Variants in SMYD3 observed in about 807,000 individuals in gnomAD.
The protein encoded by SMYD3 is SET and MYND domain containing 3.
A neutral mutation model predicts 57.7 loss-of-function variants in SMYD3; 36 were observed. That is an observed-to-expected ratio of 0.62 (90% confidence interval 0.48 to 0.82). The LOEUF (loss-of-function observed/expected upper bound fraction) is 0.82. Among genes scored for constraint, SMYD3 ranks in the 40% least tolerant of loss-of-function variants. The probability of loss-of-function intolerance (pLI) is 0.00; values close to 1 mark genes in which losing one functional copy is unlikely to be tolerated. For synonymous variants in SMYD3, 211 were observed against 195.0 expected, an observed-to-expected ratio of 1.08 and a Z score of -0.68; for missense variants, 515 against 538.8, an observed-to-expected ratio of 0.96 and a Z score of 0.44.
intron 1 of SMYD3, among the ~76,000 whole-genome samples, chr1:246,411,071 AG>A (rs1356532949): frequency 6.6e-6 from 1 of 151,756 alleles, no homozygotes; most frequent in Non-Finnish European, 1.5e-5. Context: ...CTTCTTTATT[AG>A]TCTTGCTAGC....
intron 5 of SMYD3, among the ~76,000 whole-genome samples, chr1:246,010,241 T>G (rs2059258654): frequency 6.6e-6 from 1 of 152,040 alleles, no homozygotes; most frequent in African/African-American, 2.4e-5. Context: ...TCGTATGCTC[T>G]GTCTATTGGG....
chr1:246,149,901 T>C (rs1268807268), intron 5 of SMYD3, among the ~76,000 whole-genome samples: 1 of 152,232 alleles, frequency 6.6e-6, no homozygotes, highest in East Asian at 1.9e-4. Flanking sequence ...GATTCCTCTG[T>C]CTGCCATTTA....
rs1363719536 is a variant in SMYD3 at position 246,076,692 on chromosome 1, ATTAAT to A, written c.532-146760_532-146756del. On this transcript the variant is annotated intron_variant, in intron 5 of 11. Coordinates refer to ENST00000490107, the MANE Select transcript of SMYD3 (RefSeq NM_001167740.2). ...GTCTGGTTTTGTTTTTTTTTTCTAG[ATTAAT>A]TCAATTCTCTTCCCTTTGGATGAGA... 2.6e-4 allele frequency among the ~76,000 whole-genome samples: 39 copies of A among 150,354 alleles called. 1 individual carries two copies. Among genetic ancestry groups the A allele is most frequent in the African/African-American group, 9.4e-4 (38 of 40,556 alleles).
At chr1:246,044,927 A>T (rs1217790931) in intron 5 of SMYD3, among the ~76,000 whole-genome samples, 1 of 152,188 alleles carries the variant, frequency 6.6e-6, no homozygotes, top group Non-Finnish European at 1.5e-5. Flanking sequence ...CTTACAAGGG[A>T]TGTGAAGGAC....
At chr1:245,892,010 GCGAA>G (rs2053416069) in intron 8 of SMYD3, among the ~76,000 whole-genome samples, 1 of 152,090 alleles carries the variant, frequency 6.6e-6, no homozygotes, top group Non-Finnish European at 1.5e-5. Flanking sequence ...TTCAGCCTGG[GCGAA>G]AGAGTGACGC....
At chr1:246,365,164 A>G (rs1174531886) in intron 1 of SMYD3, among the ~76,000 whole-genome samples, 6 of 152,160 alleles carry the variant, frequency 3.9e-5, no homozygotes, top group East Asian at 1.9e-4. Context: ...CCCATATACA[A>G]TAAGTTAAAG....
chr1:246,091,433 C>T (rs2060821483), intron 5 of SMYD3, among the ~76,000 whole-genome samples: 1 of 151,662 alleles, frequency 6.6e-6, no homozygotes, highest in Admixed American at 6.6e-5. Context: ...ACTCGGAAGA[C>T]CCCTCTCTAT....
intron 5 of SMYD3, among the ~76,000 whole-genome samples, chr1:246,049,557 G>A (rs1348710050): frequency 4.6e-5 from 7 of 151,304 alleles, no homozygotes; most frequent in East Asian, 1.9e-4. Context: ...CGCCCATCTC[G>A]GCCTCCCAAA....
intron 10 of SMYD3, among the ~76,000 whole-genome samples, chr1:245,853,754 C>A (rs1357845960): frequency 1.3e-5 from 2 of 152,120 alleles, no homozygotes; most frequent in Admixed American, 6.5e-5. Flanking sequence ...AAATTAAAAA[C>A]GAATGGGGCT....
chr1:246,390,214 C>CAA (rs56279385), intron 1 of SMYD3, among the ~76,000 whole-genome samples: 1 of 66,968 alleles, frequency 1.5e-5, no homozygotes, highest in Non-Finnish European at 2.9e-5. Context: ...ATTCTGTCTC[C>CAA]AAAAAAAAAA....
chr1:245,775,715 T>TAAAAAAAAA (rs749327071), intron 10 of SMYD3, among the ~76,000 whole-genome samples: 17 of 109,834 alleles, frequency 1.5e-4, no homozygotes, highest in Non-Finnish European at 2.8e-4. Flanking sequence ...CAATAAATAC[T>TAAAAAAAAA]AAAAAAAAAA....
chr1:245,978,715 C>G (rs1052258255), intron 5 of SMYD3, among the ~76,000 whole-genome samples: 8 of 152,146 alleles, frequency 5.3e-5, no homozygotes, highest in Non-Finnish European at 1.0e-4. Context: ...GTGGCCTCAT[C>G]CAAGCTTTGT....
chr1:245,788,107 A>G (rs1449549270), intron 10 of SMYD3, among the ~76,000 whole-genome samples: 1 of 152,066 alleles, frequency 6.6e-6, no homozygotes, highest in Non-Finnish European at 1.5e-5. Context: ...CACAGGGAAC[A>G]GGGCAAGGAG....
rs531904061 is a variant in SMYD3, at chr1:245,950,073, G to A, written c.532-20136C>T. Reference sequence around the variant, plus strand: ...ACCAGGAGTGCAGACATCAATTTAAGGACACAAGAAACATGACAAAAGCAA... The same window carrying A: ...ACCAGGAGTGCAGACATCAATTTAAAGACACAAGAAACATGACAAAAGCAA... On this transcript the variant is annotated intron_variant, in intron 5 of 11. Transcript: ENST00000490107. Among the ~76,000 whole-genome samples, 522 of 152,178 alleles carry A rather than the reference G, an allele frequency of 3.4e-3. 5 individuals carry two copies. Among genetic ancestry groups the A allele is most frequent in the African/African-American group, 0.012 (507 of 41,502 alleles).
At chr1:246,016,659 C>T (rs931134865) in intron 5 of SMYD3, among the ~76,000 whole-genome samples, 42 of 151,762 alleles carry the variant, frequency 2.8e-4, no homozygotes, top group Admixed American at 2.4e-3. Flanking sequence ...ACAGCAAACA[C>T]AAGAAATCTT....
Position 246,362,886 on chromosome 1 carries a change from C to G in SMYD3, c.165-7792G>C, listed in dbSNP as rs1276166314. On this transcript the variant is annotated intron_variant, in intron 1 of 11. Coordinates refer to ENST00000490107, the MANE Select transcript of SMYD3 (RefSeq NM_001167740.2). ...TGCAGCCTCTGCCCGGCCGCCACCCCGTCTGGGAAGTGAGGAGCGTCTCTG... is the reference window on the plus strand; with the variant it reads ...TGCAGCCTCTGCCCGGCCGCCACCCGGTCTGGGAAGTGAGGAGCGTCTCTG... Among the ~76,000 whole-genome samples, 8 of 151,982 alleles carry G rather than the reference C, an allele frequency of 5.3e-5. No individual in the cohort carries two copies. In the South Asian group the frequency reaches 1.7e-3, roughly 32 times the overall value.
intron 1 of SMYD3, among the ~76,000 whole-genome samples, chr1:246,418,866 G>A (rs922379682): frequency 6.6e-6 from 1 of 152,050 alleles, no homozygotes; most frequent in Admixed American, 6.5e-5. Context: ...CATATCCCCC[G>A]TGACCTGCAC....
intron 1 of SMYD3, among the ~76,000 whole-genome samples, chr1:246,505,297 C>G (rs761612447): frequency 8.7e-6 from 1 of 114,892 alleles, no homozygotes; most frequent in Non-Finnish European, 1.9e-5. Context: ...CAACCTCCCT[C>G]GCGCTAGGGG....
chr1:245,825,288 C>G (rs963998769), intron 10 of SMYD3, among the ~76,000 whole-genome samples: 1 of 152,164 alleles, frequency 6.6e-6, no homozygotes, highest in African/African-American at 2.4e-5. Context: ...CACAACGGCT[C>G]CCAACAAGCT....
Sources: allele counts gnomAD v4.1 joint callset (sites outside exome capture counted in the v4.1 genomes callset), GRCh38; gene constraint gnomAD v4.1.1; transcripts MANE v1.5; gene names NCBI Gene and HGNC (gene_info 2026-07-23, HGNC 2026-07-21).